Variants in NEBL observed in about 807,000 individuals in gnomAD.
NEBL encodes nebulette, also known as LIM and SH3 protein 2.
A neutral mutation model predicts 140.2 loss-of-function variants in NEBL; 122 were observed. The ratio of observed to expected loss-of-function variants is 0.87; its 90% CI spans 0.75 to 1.01. The LOEUF is 1.01. NEBL is among the 50% of genes least tolerant of loss of function. The pLI, the probability that NEBL is intolerant of heterozygous loss-of-function variation, is 0.00. For synonymous variants in NEBL, 436 were observed against 398.9 expected (o/e 1.09, Z -1.11); for missense variants, 1,365 against 1,231.3 (o/e 1.11, Z -1.62).
chr10:21,255,622 T>G (rs923992327), intron 1 of NEBL, among the ~76,000 whole-genome samples: 3 of 152,200 alleles, frequency 2.0e-5, no homozygotes, highest in African/African-American at 7.2e-5. Context: ...GTAGGAAATT[T>G]CACTGCAATG....
At chr10:21,213,210 A>G (rs1841943809) in intron 3 of NEBL, among the ~76,000 whole-genome samples, 2 of 152,238 alleles carry the variant, frequency 1.3e-5, no homozygotes, top group South Asian at 4.1e-4. Flanking sequence ...AGAAAAAGAT[A>G]AGCTTGACAG....
intron 3 of NEBL, among the ~76,000 whole-genome samples, chr10:21,003,487 C>A (rs1383106467): frequency 6.6e-6 from 1 of 152,174 alleles, no homozygotes; most frequent in Admixed American, 6.5e-5. Context: ...TCAAAACATG[C>A]ACATTTGAAC....
At chr10:20,951,410 G>T (rs999208654) in intron 4 of NEBL, among the ~76,000 whole-genome samples, 1 of 150,018 alleles carries the variant, frequency 6.7e-6, no homozygotes, top group African/African-American at 2.4e-5. Context: ...AGAAAGAAAT[G>T]CAATTTTTAT....
intron 3 of NEBL, among the ~76,000 whole-genome samples, chr10:20,978,165 C>T (rs143120150): frequency 3.3e-5 from 5 of 152,206 alleles, no homozygotes; most frequent in South Asian, 4.1e-4. Flanking sequence ...AAGACAGACC[C>T]GAAATGAGAT....
At chr10:21,288,818 G>GTATATATATATATATATATATATATC (rs757155594) in intron 1 of NEBL, among the ~76,000 whole-genome samples, 1 of 32,668 alleles carries the variant, frequency 3.1e-5, no homozygotes, top group Non-Finnish European at 5.3e-5. Context: ...ACGTGTGTGT[G>GTATATATATATATATATATATATATC]TGTATATATA....
intron 4 of NEBL, among the ~76,000 whole-genome samples, chr10:20,908,392 G>A (rs1317569261): frequency 2.0e-5 from 3 of 152,190 alleles, no homozygotes; most frequent in Non-Finnish European, 4.4e-5. Flanking sequence ...TATAAAGGAA[G>A]AGTAGTCCTT....
chr10:21,265,117 T>G (rs1239213137), intron 1 of NEBL, among the ~76,000 whole-genome samples: 1 of 151,926 alleles, frequency 6.6e-6, no homozygotes, highest in Non-Finnish European at 1.5e-5. Flanking sequence ...GAGATGGGGT[T>G]TTACCATGTT....
At chr10:21,120,387 A>AC (rs1838485978) in intron 2 of NEBL, among the ~76,000 whole-genome samples, 3 of 68,738 alleles carry the variant, frequency 4.4e-5, no homozygotes, top group East Asian at 9.2e-4. Flanking sequence ...AAAAAAAAAA[A>AC]AAATACATAT....
At chr10:21,162,518 T>C (rs1223517999) in intron 2 of NEBL, among the ~76,000 whole-genome samples, 1 of 152,188 alleles carries the variant, frequency 6.6e-6, no homozygotes, top group Non-Finnish European at 1.5e-5. Context: ...ATTGCGGTAT[T>C]GTAACACCCA....
chr10:20,952,036 T>G (rs1835497222), intron 4 of NEBL, among the ~76,000 whole-genome samples: 1 of 152,176 alleles, frequency 6.6e-6, no homozygotes, highest in African/African-American at 2.4e-5. Context: ...ACTACATAAT[T>G]CAACCAAGAT....
intron 2 of NEBL, among the ~76,000 whole-genome samples, chr10:21,119,749 A>G (rs559145819): frequency 1.3e-5 from 2 of 152,236 alleles, no homozygotes; most frequent in East Asian, 1.9e-4. Flanking sequence ...CAATATCATT[A>G]TCTATTATAT....
chr10:20,959,773 CAA>C (rs1220826907), intron 4 of NEBL, among the ~76,000 whole-genome samples: 5 of 151,346 alleles, frequency 3.3e-5, no homozygotes, highest in Admixed American at 1.3e-4. Flanking sequence ...TAAGACATCG[CAA>C]AAAGTTTTTT....
intron 3 of NEBL, among the ~76,000 whole-genome samples, chr10:21,017,327 G>A (rs1304121861): frequency 6.6e-6 from 1 of 152,164 alleles, no homozygotes; most frequent in Non-Finnish European, 1.5e-5. Context: ...ATCAATACAT[G>A]TTTCTTGAAT....
At chr10:21,210,638 T>C (rs1326737049) in intron 3 of NEBL, among the ~76,000 whole-genome samples, 1 of 152,242 alleles carries the variant, frequency 6.6e-6, no homozygotes, top group Admixed American at 6.5e-5. Context: ...TATCATTCTA[T>C]GTATCTTGTA....
At chr10:21,139,990 A>C (rs76116418) in intron 2 of NEBL, among the ~76,000 whole-genome samples, 2,128 of 145,020 alleles carry the variant, frequency 0.015, 51 homozygotes, top group African/African-American at 0.05. Context: ...GTCTCAACAA[A>C]AAAAAAAAAA....
At position 20,823,188 on chromosome 10, in the gene NEBL, T is replaced by C; in HGVS notation, c.1962+20A>G. ...GATATACAATAAAATTTTTAAAAAA[T>C]ACTTAAGAAATATGATCACATTGCT... On this transcript the variant is annotated intron_variant, in intron 19 of 27. Transcript: ENST00000377122. 1 of 1,566,710 alleles carries C rather than the reference T, an allele frequency of 6.4e-7. No individual in the cohort carries two copies. The highest frequency in any genetic ancestry group is 8.7e-7 in the Non-Finnish European group (1 of 1,143,594).
At chr10:20,927,480 T>A (rs1833969885) in intron 4 of NEBL, among the ~76,000 whole-genome samples, 1 of 152,200 alleles carries the variant, frequency 6.6e-6, no homozygotes, top group Admixed American at 6.5e-5. Flanking sequence ...ACTGTTAGCC[T>A]ATGAGCTTAA....
intron 3 of NEBL, among the ~76,000 whole-genome samples, chr10:21,186,743 T>C (rs1265675423): frequency 6.6e-6 from 1 of 152,062 alleles, no homozygotes; most frequent in African/African-American, 2.4e-5. Flanking sequence ...TCTTCTTCCA[T>C]TGTGGCCCAG....
intron 26 of NEBL, among the ~76,000 whole-genome samples, chr10:20,790,615 AAAAC>A (rs568011926): frequency 2.2e-4 from 34 of 151,482 alleles, no homozygotes; most frequent in South Asian, 1.7e-3. Context: ...AAAAAAAAAC[AAAAC>A]AAACAAACAA....
Sources: allele counts gnomAD v4.1 joint callset (sites outside exome capture counted in the v4.1 genomes callset), GRCh38; gene constraint gnomAD v4.1.1; transcripts MANE v1.5; gene names NCBI Gene and HGNC (gene_info 2026-07-23, HGNC 2026-07-21).